Variants in ADARB2 observed in about 807,000 individuals in gnomAD.
ADARB2 encodes inactive double-stranded RNA-specific editase B2.
A neutral mutation model predicts 62.2 loss-of-function variants in ADARB2; 25 were observed. That is an observed-to-expected ratio of 0.40 (90% CI 0.29 to 0.56). The LOEUF is 0.56. ADARB2 is among the 20% of genes least tolerant of loss of function. The probability of loss-of-function intolerance (pLI) is 0.43; values close to 1 mark genes in which losing one functional copy is unlikely to be tolerated. For missense variants in ADARB2, 1,071 were observed against 1,077.4 expected (o/e 0.99, Z 0.08); for synonymous variants, 572 against 500.8 (o/e 1.14, Z -1.90).
At chr10:1,518,590 C>T (rs377238095) in intron 1 of ADARB2, among the ~76,000 whole-genome samples, 141 of 152,290 alleles carry the variant, frequency 9.3e-4, no homozygotes, top group Non-Finnish European at 1.5e-3. Context: ...GCCTGCATTC[C>T]GTGTAACATC....
In ADARB2 at chr10:1,178,061, A is replaced by T. The variant is rs1161544195; in HGVS notation, c.*5132T>A. ...TGGACACATTCAGGAGAGTCCAAAA[A>T]TGACTGCAGCAACTCCCTGTGCACA... On this transcript the variant is annotated 3_prime_UTR_variant, in exon 10 of 10. Transcript: ENST00000381312. 6.6e-6 allele frequency: 1 copy of T among 152,214 alleles called. No homozygotes were observed. Among genetic ancestry groups the T allele is most frequent in the East Asian group, 1.9e-4 (1 of 5,188 alleles). The allele number at this position is 152,214 out of a possible 1,614,324, so 9.4% of individuals were successfully genotyped here.
intron 3 of ADARB2, among the ~76,000 whole-genome samples, chr10:1,332,481 GTTT>G (rs57168465): frequency 7.6e-6 from 1 of 131,468 alleles, no homozygotes; most frequent in Non-Finnish European, 1.6e-5. Flanking sequence ...CATCAGTTTT[GTTT>G]TTTTTTTTTT....
At chr10:1,589,975 G>T (rs574323321) in intron 1 of ADARB2, among the ~76,000 whole-genome samples, 20 of 152,336 alleles carry the variant, frequency 1.3e-4, no homozygotes, top group African/African-American at 4.8e-4. Flanking sequence ...GCTTCAGCAG[G>T]TGCTCCTCTG....
intron 1 of ADARB2, among the ~76,000 whole-genome samples, chr10:1,388,093 TAAATAG>T (rs1440155585): frequency 4.6e-5 from 7 of 151,972 alleles, no homozygotes; most frequent in African/African-American, 1.7e-4. Context: ...TAAAGATAAA[TAAATAG>T]AAAGATACAC....
chr10:1,627,087 C>T (rs1451235599), intron 1 of ADARB2, among the ~76,000 whole-genome samples: 1 of 152,202 alleles, frequency 6.6e-6, no homozygotes, highest in Non-Finnish European at 1.5e-5. Context: ...CCCACAGGCT[C>T]ACACATCAGT....
intron 1 of ADARB2, among the ~76,000 whole-genome samples, chr10:1,573,311 G>A (rs1432079556): frequency 2.0e-5 from 3 of 152,162 alleles, no homozygotes; most frequent in Non-Finnish European, 2.9e-5. Flanking sequence ...ACTGTGCTCA[G>A]GTTGCAACTC....
At chr10:1,497,479 G>T (rs72764931) in intron 1 of ADARB2, among the ~76,000 whole-genome samples, 3,519 of 152,214 alleles carry the variant, frequency 0.023, 73 homozygotes, top group Non-Finnish European at 0.035. Context: ...AGAGCTTTTT[G>T]AAATAAAGGC....
chr10:1,438,455 C>T (rs147136583), intron 1 of ADARB2, among the ~76,000 whole-genome samples: 2 of 144,914 alleles, frequency 1.4e-5, no homozygotes, highest in African/African-American at 2.7e-5. Context: ...TGAGTCTCCT[C>T]GGTGGACAGA....
At chr10:1,659,233 T>C (rs934788450) in intron 1 of ADARB2, among the ~76,000 whole-genome samples, 2 of 152,200 alleles carry the variant, frequency 1.3e-5, no homozygotes, top group East Asian at 1.9e-4. Flanking sequence ...GATTGCCTAT[T>C]GCACTGTAAA....
chr10:1,576,299 A>AG (rs1833020539), intron 1 of ADARB2, among the ~76,000 whole-genome samples: 1 of 123,942 alleles, frequency 8.1e-6, no homozygotes, highest in Non-Finnish European at 1.7e-5. Context: ...GGATCACTGG[A>AG]GGGGCTCAGG....
intron 1 of ADARB2, among the ~76,000 whole-genome samples, chr10:1,480,683 G>A (rs1831458612): frequency 6.6e-6 from 1 of 151,970 alleles, no homozygotes; most frequent in Admixed American, 6.6e-5. Flanking sequence ...GGGTGAAAGA[G>A]TGAGTGAGAC....
chr10:1,227,225 C>G (rs555545290), intron 6 of ADARB2, among the ~76,000 whole-genome samples: 5 of 152,356 alleles, frequency 3.3e-5, no homozygotes, highest in Admixed American at 1.3e-4. Context: ...AATATAATCT[C>G]CTGGTATGCC....
chr10:1,609,489 C>G (rs113273388), intron 1 of ADARB2, among the ~76,000 whole-genome samples: 1 of 152,246 alleles, frequency 6.6e-6, no homozygotes, highest in African/African-American at 2.4e-5. Context: ...CGAGGACCCA[C>G]AAATCTGCTC....
At chr10:1,385,381 G>C (rs532400990) in intron 1 of ADARB2, among the ~76,000 whole-genome samples, 88 of 152,152 alleles carry the variant, frequency 5.8e-4, no homozygotes, top group Non-Finnish European at 1.2e-3. Flanking sequence ...ATATTTTTAA[G>C]AATTTAAAAA....
At chr10:1,224,959 C>T (rs1427796781) in intron 6 of ADARB2, among the ~76,000 whole-genome samples, 1 of 152,136 alleles carries the variant, frequency 6.6e-6, no homozygotes, top group East Asian at 1.9e-4. Context: ...GAGTTTAATT[C>T]CTGGGTATCC....
chr10:1,444,737 C>T (rs1200507245), intron 1 of ADARB2, among the ~76,000 whole-genome samples: 1 of 149,972 alleles, frequency 6.7e-6, no homozygotes, highest in Non-Finnish European at 1.5e-5. Context: ...TCTATCTATC[C>T]ATCCATCCAT....
chr10:1,242,097 C>T (rs1342167509), intron 5 of ADARB2, 34 bp downstream of exon 5: 1 of 1,566,526 alleles, frequency 6.4e-7, no homozygotes, highest in South Asian at 1.1e-5. Flanking sequence ...GCCGCGGCGT[C>T]CGCCTTCCCT....
intron 1 of ADARB2, chr10:1,394,809 G>C: frequency 2.2e-6 from 1 of 456,666 alleles, no homozygotes; most frequent in Non-Finnish European, 4.4e-6. Flanking sequence ...GGGAGGAGCT[G>C]CTTCCCCTCC....
At chr10:1,382,927 AT>A (rs1201550877) in intron 1 of ADARB2, among the ~76,000 whole-genome samples, 1 of 152,138 alleles carries the variant, frequency 6.6e-6, no homozygotes, top group Non-Finnish European at 1.5e-5. Flanking sequence ...GGCTCCCATC[AT>A]CGAATATGGA....
Sources: gnomAD v4.1 joint callset for allele counts (sites outside exome capture counted in the v4.1 genomes callset) on GRCh38, gnomAD v4.1.1 for gene constraint, MANE v1.5 for transcripts, NCBI Gene and HGNC (gene_info 2026-07-23, HGNC 2026-07-21) for gene names.